The following MYO15A variants were observed in gnomAD, a reference collection of about 807,000 sequenced individuals.
The protein encoded by MYO15A is myosin XVA, also known as unconventional myosin-XV.
A neutral mutation model predicts 394.6 loss-of-function variants in MYO15A; 308 were observed. The observed-to-expected ratio is 0.78, with a 90% CI of 0.71 to 0.86. The LOEUF (loss-of-function observed/expected upper bound fraction) is 0.86. Among genes scored for constraint, MYO15A ranks in the 40% least tolerant of loss-of-function variants. The pLI, the probability that MYO15A is intolerant of heterozygous loss-of-function variation, is 0.00. For missense variants in MYO15A, 4,606 were observed against 4,799.1 expected, an observed-to-expected ratio of 0.96 and a Z score of 1.19; for synonymous variants, 1,957 against 2,003.8, an observed-to-expected ratio of 0.98 and a Z score of 0.62.
chr17:18,142,305 G>A (rs1238541415), intron 24 of MYO15A, 51 bp downstream of exon 24: 1 of 1,580,726 alleles, frequency 6.3e-7, no homozygotes, highest in Non-Finnish European at 8.6e-7. Context: ...TCAGGCTCGG[G>A]AGAGGTCACG....
chr17:18,140,688 G>A (rs781003136), intron 20 of MYO15A, 23 bp downstream of exon 20: 13 of 1,613,860 alleles, frequency 8.1e-6, no homozygotes, highest in Middle Eastern at 1.6e-4. Context: ...GCAGGTGGGC[G>A]GAGCACCCAG....
In MYO15A at chr17:18,121,667, C is replaced by A. The variant is rs775576878; in HGVS notation, c.2867C>A (p.Pro956Gln). 6.2e-7 allele frequency: 1 copy of A among 1,606,756 alleles called. No homozygotes were observed. The highest frequency in any genetic ancestry group is 1.3e-5 in the African/African-American group (1 of 74,886). Residue 956 changes from proline (P) to glutamine (Q), a missense_variant, in exon 2 of 66, where the codon CCA (proline) becomes CAA (glutamine). Physicochemically the swap from Pro to Gln is moderately conservative, Grantham distance 76. Around this residue, in one of 2 missense-constraint regions of MYO15A, gnomAD observed 1,830 missense variants for 1,689.7 expected, o/e 1.08. Transcript: ENST00000647165. The surrounding 1 kb of genome is among the most constrained non-coding windows in gnomAD (Gnocchi z 5.3). ...GAGSRRGFSR[P>Q]PPVPENPFLQ... ...GGCAGCCGCCGAGGCTTTTCCAGGC[C>A]ACCCCCTGTGCCGGAAAACCCCTTT...
Position 18,119,940 on chromosome 17 carries a change from T to A in MYO15A, c.1140T>A (p.Tyr380Ter). The A allele has an allele frequency of 1.2e-6, 2 of 1,613,630 alleles. No homozygotes were observed. Among genetic ancestry groups the A allele is most frequent in the Non-Finnish European group, 1.7e-6 (2 of 1,180,000 alleles). Residue 380 changes from tyrosine to a stop codon, truncating the protein, a stop_gained, in exon 2 of 66, where the codon TAT (tyrosine) becomes TAA (stop). Transcript: ENST00000647165. LOFTEE classifies it high-confidence loss of function. ...ACGGAGTCCACTACACCGTCCCCTA[T>A]GCCGAAGGCGTCTATGGCGGTGGGG... ...DPYGVHYTVP[Y>*]AEGVYGGGDE... is the part of the protein sequence containing the mutation.
Position 18,119,460 on chromosome 17 carries a change from C to T in MYO15A, c.660C>T (p.Arg220=). 1 of 1,612,746 alleles carries T rather than the reference C, an allele frequency of 6.2e-7. No individual in the cohort carries two copies. Among genetic ancestry groups the T allele is most frequent in the South Asian group, 1.1e-5 (1 of 91,084 alleles). Residue 220 remains arginine (R), a synonymous_variant, in exon 2 of 66, where the codon CGC becomes CGT. Transcript: ENST00000647165. The part of the protein sequence containing the change: ...DEAPFHHSGS[R]KSLYGLEGFQ... ...CCCCATTCCATCACTCGGGCTCCCG[C>T]AAGTCGCTGTACGGGCTTGAGGGCT...
In MYO15A at chr17:18,150,326, T is replaced by A. The variant is rs1249517009; in HGVS notation, c.7213-103T>A. 5 of 1,051,934 alleles carry A rather than the reference T, an allele frequency of 4.8e-6. No individual in the cohort carries two copies. The highest frequency in any genetic ancestry group is 5.0e-5 in the East Asian group (2 of 40,156). 65.2% of individuals were successfully genotyped at this position (1,051,934 alleles called of 1,614,324 possible). On this transcript the variant is annotated intron_variant, in intron 35 of 65. Coordinates refer to ENST00000647165, the MANE Select transcript of MYO15A (RefSeq NM_016239.4). This position sits in a 1 kb window ranked among gnomAD's most constrained non-coding sequence, Gnocchi z 4.4. ...ACTGAGCCAGTGGGAGGCTGCCCCCTCCCACGAGAGGGTGGGGAAGAGGCC... is the reference window on the plus strand; with the variant it reads ...ACTGAGCCAGTGGGAGGCTGCCCCCACCCACGAGAGGGTGGGGAAGAGGCC...
chr17:18,141,158 G>A lies in MYO15A; in HGVS notation c.5531+15G>A, dbSNP rs779768319. 8.1e-6 allele frequency: 13 copies of A among 1,612,978 alleles called. No homozygotes were observed. The highest frequency in any genetic ancestry group is 8.5e-7 in the Non-Finnish European group (1 of 1,179,980). On this transcript the variant is annotated intron_variant, in intron 22 of 65. Coordinates refer to ENST00000647165, the MANE Select transcript of MYO15A (RefSeq NM_016239.4). ...TTCATCGACAGGTATCTTGGTTACGGTAGTTCCTGAGCTCTACAAATCCCT... is the reference window on the plus strand; with the variant it reads ...TTCATCGACAGGTATCTTGGTTACGATAGTTCCTGAGCTCTACAAATCCCT...
At chr17:18,172,649 G>A (rs539437653) in intron 64 of MYO15A, 4 of 364,384 alleles carry the variant, frequency 1.1e-5, no homozygotes, top group African/African-American at 8.4e-5. Context: ...CAAGGTCAAG[G>A]TGTCAGCAGG....
chr17:18,143,853 C>G lies in MYO15A; in HGVS notation c.6047-17C>G. The G allele has an allele frequency of 6.4e-7, 1 of 1,574,070 alleles. No homozygotes were observed. The highest frequency in any genetic ancestry group is 8.6e-7 in the Non-Finnish European group (1 of 1,158,906). ...GGCAGATCAGAGCAGGCACCGCATT[C>G]CCTCCTCTTTCCACAGGCCTCGGGC... On this transcript the variant is annotated splice_polypyrimidine_tract_variant and intron_variant, in intron 27 of 65. Transcript: ENST00000647165.
intron 24 of MYO15A, among the ~76,000 whole-genome samples, chr17:18,142,515 A>G (rs1419029685): frequency 5.3e-5 from 8 of 152,206 alleles, no homozygotes; most frequent in Admixed American, 3.9e-4. Context: ...CTGAGATTAT[A>G]AGCTGTTGGG....
chr17:18,126,853 G>C lies in MYO15A; in HGVS notation c.3929G>C (p.Cys1310Ser), dbSNP rs746385096. 6.2e-7 allele frequency: 1 copy of C among 1,614,004 alleles called. No homozygotes were observed. Among genetic ancestry groups the C allele is most frequent in the East Asian group, 2.2e-5 (1 of 44,844 alleles). ...AKMLDAKQNQ[C>S]IIISGESGSG... ...ATGCTCGATGCCAAACAGAACCAGTGCATAATCATTAGGTGAGTGGGCTGC... is the reference window on the plus strand; with the variant it reads ...ATGCTCGATGCCAAACAGAACCAGTCCATAATCATTAGGTGAGTGGGCTGC... The change falls in exon 6 of 66, where the codon TGC (cysteine) becomes TCC (serine). Residue 1310 changes from cysteine (C) to serine (S), a missense_variant. Around this residue, in one of 2 missense-constraint regions of MYO15A, gnomAD observed 2,776 missense variants for 3,109.3 expected, o/e 0.89. Coordinates refer to ENST00000647165, the MANE Select transcript of MYO15A (RefSeq NM_016239.4).
At chr17:18,131,724 G>A (rs938884252) in intron 10 of MYO15A, among the ~76,000 whole-genome samples, 193 bp downstream of exon 10, 6 of 151,912 alleles carry the variant, frequency 3.9e-5, no homozygotes, top group African/African-American at 1.4e-4. Context: ...TCCCTGCCCC[G>A]CAGCACACAG....
In MYO15A at chr17:18,179,055, G is replaced by C; in HGVS notation, c.*185G>C. On this transcript the variant is annotated 3_prime_UTR_variant, in exon 66 of 66. Transcript: ENST00000647165. ...AGAAGACCCATCCTGAACTGGGATG[G>C]AATGGCAGCATGCAAACTTGGATCA... is the stretch of plus-strand genomic sequence containing the variant. 1 of 654,064 alleles carries C rather than the reference G, an allele frequency of 1.5e-6. No individual in the cohort carries two copies. Among genetic ancestry groups the C allele is most frequent in the Non-Finnish European group, 2.7e-6 (1 of 369,772 alleles). 40.5% of individuals were successfully genotyped at this position (654,064 alleles called of 1,614,324 possible). A position where few individuals can be genotyped will look rare whatever the true frequency, so the allele number is the denominator to read the frequency against.
Position 18,149,590 on chromosome 17 carries a change from G to T in MYO15A, c.7212+10G>T. On this transcript the variant is annotated intron_variant, in intron 35 of 65. Transcript: ENST00000647165. ...GTCCTACGGGGATGCGGTAGGGATG[G>T]TGTGGGGTGGGTCATTTGCAGACAG... 6.2e-7 allele frequency: 1 copy of T among 1,613,354 alleles called. No individual in the cohort carries two copies. Among genetic ancestry groups the T allele is most frequent in the Admixed American group, 1.7e-5 (1 of 60,022 alleles).
At chr17:18,157,504 C>A (rs772024391) in intron 50 of MYO15A, 39 of 1,042,564 alleles carry the variant, frequency 3.7e-5, no homozygotes, top group Non-Finnish European at 5.2e-5. Flanking sequence ...CCCTGCTTTG[C>A]CTTTTTGCTT....
chr17:18,132,462 G>A lies in MYO15A; in HGVS notation c.4216G>A (p.Glu1406Lys), dbSNP rs759810756. 27 of 1,613,942 alleles carry A rather than the reference G, an allele frequency of 1.7e-5. No homozygotes were observed. The highest frequency in any genetic ancestry group is 9.3e-6 in the Non-Finnish European group (11 of 1,180,030). Residue 1406 changes from glutamate to lysine, a missense_variant, in exon 11 of 66, where the codon GAG becomes AAG. Around this residue, in one of 2 missense-constraint regions of MYO15A, gnomAD observed 2,776 missense variants for 3,109.3 expected, o/e 0.89. Transcript: ENST00000647165. This position sits in a 1 kb window ranked among gnomAD's most constrained non-coding sequence, Gnocchi z 4.6. ...KSRIVFQAKN[E>K]RNYHIFYELL... ...CCTACCCACTCTACAGGCCAAAAAC[G>A]AGAGGAATTACCACATCTTCTACGA...
intron 50 of MYO15A, 158 bp from the exon 51 acceptor site, chr17:18,157,564 T>C: frequency 7.2e-7 from 1 of 1,394,338 alleles, no homozygotes; most frequent in South Asian, 1.4e-5. Context: ...TTTCTTTCCC[T>C]GAGCCTGTTT....
In MYO15A at chr17:18,150,737, C is replaced by A. The variant is rs199953758; in HGVS notation, c.7367C>A (p.Ala2456Asp). 1 of 1,588,430 alleles carries A rather than the reference C, an allele frequency of 6.3e-7. No individual in the cohort carries two copies. Among genetic ancestry groups the A allele is most frequent in the Non-Finnish European group, 8.6e-7 (1 of 1,166,216 alleles). ...LDASTLALQQ[A>D]FIHKQAVLLA... Reference sequence around the variant, plus strand: ...GCCTCCACATTGGCTCTGCAGCAAGCCTTCATCCACAAACAGGCCGTGCTG... The same window carrying A: ...GCCTCCACATTGGCTCTGCAGCAAGACTTCATCCACAAACAGGCCGTGCTG... Residue 2456 changes from alanine (A) to aspartate (D), a missense_variant, in exon 37 of 66, where the codon GCC becomes GAC. By Grantham distance (126) the Ala-to-Asp change is moderately radical. This residue lies in a region of MYO15A where 2,776 missense variants were observed against 3,109.3 expected (regional missense o/e 0.89). Transcript: ENST00000647165. The surrounding 1 kb of genome is among the most constrained non-coding windows in gnomAD (Gnocchi z 4.4).
rs370537846 is a variant in MYO15A at position 18,136,461 on chromosome 17, C to T, written c.4641C>T (p.Ser1547=). 2.4e-5 allele frequency: 38 copies of T among 1,613,672 alleles called. No individual in the cohort carries two copies. The African/African-American group carries it at 3.1e-4, about 13-fold the overall frequency. ...TCTTCACGCCCCTAACTGTGGAGAG[C>T]GCTGTGGATGCCAGGTGAGGCCACG... The part of the protein sequence containing the change: ...EKIFTPLTVE[S]AVDARDAIAK... Residue 1547 remains serine (S), a synonymous_variant, in exon 14 of 66, where the codon AGC becomes AGT. Transcript: ENST00000647165.
rs1232751517 is a variant in MYO15A at position 18,141,016 on chromosome 17, C to T, written c.5407-3C>T. On this transcript the variant is annotated splice_region_variant and splice_polypyrimidine_tract_variant and intron_variant, in intron 21 of 65. Coordinates refer to ENST00000647165, the MANE Select transcript of MYO15A (RefSeq NM_016239.4). The stretch of plus-strand genomic sequence containing the variant: ...CAGACTCCCTCTCTGGGCATCCCTA[C>T]AGGAGCCAGGTCTCTTTGAGCCAGA... 1.2e-6 allele frequency: 2 copies of T among 1,613,884 alleles called. No homozygotes were observed. Among genetic ancestry groups the T allele is most frequent in the African/African-American group, 2.7e-5 (2 of 75,070 alleles).
Sources: allele counts gnomAD v4.1 joint callset (sites outside exome capture counted in the v4.1 genomes callset), GRCh38; gene constraint gnomAD v4.1.1; regional missense constraint gnomAD v4.1.1; non-coding constraint Gnocchi (gnomAD v3.1); transcripts MANE v1.5; gene names NCBI Gene and HGNC (gene_info 2026-07-23, HGNC 2026-07-21).